Variants in CCNY observed in about 807,000 individuals in gnomAD.
CCNY encodes cyclin Y.
A neutral mutation model predicts 42.8 loss-of-function variants in CCNY; 19 were observed. The observed-to-expected ratio is 0.44, with a 90% CI of 0.31 to 0.65. The LOEUF (loss-of-function observed/expected upper bound fraction) is 0.65. CCNY is among the 30% of genes least tolerant of loss of function. The probability of loss-of-function intolerance (pLI) is 0.07; values close to 1 mark genes in which losing one functional copy is unlikely to be tolerated. For missense variants in CCNY, 370 were observed against 437.3 expected (o/e 0.85, Z 1.37); for synonymous variants, 165 against 162.7 (o/e 1.01, Z -0.11).
intron 8 of CCNY, among the ~76,000 whole-genome samples, chr10:35,554,663 A>G (rs963620702): frequency 1.4e-4 from 21 of 152,162 alleles, no homozygotes; most frequent in African/African-American, 5.1e-4. Context: ...ATGACCAGTG[A>G]CTTGGTTTAG....
At chr10:35,393,590 G>A (rs1399276876) in intron 1 of CCNY, among the ~76,000 whole-genome samples, 2 of 152,172 alleles carry the variant, frequency 1.3e-5, no homozygotes, top group Non-Finnish European at 2.9e-5. Context: ...CCTCCCTTGT[G>A]TTTTTCCTTA....
rs565383310 is a variant in CCNY, at chr10:35,249,789, C to T, written c.-113-733C>T. Among the ~76,000 whole-genome samples, 77 of 152,154 alleles carry T rather than the reference C, an allele frequency of 5.1e-4. 1 individual carries two copies. Among genetic ancestry groups the T allele is most frequent in the Non-Finnish European group, 1.0e-3 (70 of 68,030 alleles). On this transcript the variant is annotated intron_variant, in intron 2 of 11. Coordinates refer to the CCNY transcript ENST00000374706. ...GTGAGACGGAGTGCAGTGTCTCACA[C>T]CTGTAATCCCAGCACTTTGGGAGAC... is the stretch of plus-strand genomic sequence containing the variant.
At chr10:35,428,204 A>G (rs1838311227) in intron 1 of CCNY, among the ~76,000 whole-genome samples, 1 of 152,212 alleles carries the variant, frequency 6.6e-6, no homozygotes, top group Non-Finnish European at 1.5e-5. Context: ...AGAGATGGGC[A>G]TTCACAACCG....
At chr10:35,252,760 T>C (rs7070778) in intron 3 of CCNY, among the ~76,000 whole-genome samples, 55,369 of 151,758 alleles carry the variant, frequency 0.36, 10,514 homozygotes, top group African/African-American at 0.47. Flanking sequence ...TGGTTCCAAC[T>C]GCATTGTTGT....
At chr10:35,415,414 G>A (rs1838002390) in intron 1 of CCNY, among the ~76,000 whole-genome samples, 1 of 152,130 alleles carries the variant, frequency 6.6e-6, no homozygotes, top group Non-Finnish European at 1.5e-5. Flanking sequence ...AGGGGAGCTG[G>A]TGCCTAATCC....
In CCNY at chr10:35,514,690, A is replaced by C. The variant is rs144909997; in HGVS notation, c.265-1833A>C. Among the ~76,000 whole-genome samples, 1,264 of 152,340 alleles carry C rather than the reference A, an allele frequency of 8.3e-3. 10 individuals are homozygous for C. The highest frequency in any genetic ancestry group is 0.023 in the African/African-American group (971 of 41,566). On this transcript the variant is annotated intron_variant, in intron 3 of 9. Coordinates refer to ENST00000374704, the MANE Select transcript of CCNY (RefSeq NM_145012.6). The stretch of plus-strand genomic sequence containing the variant: ...ACATTTTAATCTGGAAGGAGTTTGC[A>C]TCAGAGGAAACAATTGAAACCCACA...
rs763670614 is a variant in CCNY at position 35,264,574 on chromosome 10, GA to G, written c.-9+13949del. Among the ~76,000 whole-genome samples, 3 of 152,066 alleles carry G rather than the reference GA, an allele frequency of 2.0e-5. No individual in the cohort carries two copies. In the East Asian group the frequency reaches 5.8e-4, roughly 29 times the overall value. On this transcript the variant is annotated intron_variant, in intron 3 of 11. Coordinates refer to the CCNY transcript ENST00000374706. ...CATTTCTCTAATGATCAGTATTGTT[GA>G]TTTTTTTTTCATATGTTTGTTGGCC... is the stretch of plus-strand genomic sequence containing the variant.
At chr10:35,291,541 T>C (rs1044727912) in intron 3 of CCNY, among the ~76,000 whole-genome samples, 11 of 147,776 alleles carry the variant, frequency 7.4e-5, no homozygotes, top group Non-Finnish European at 1.3e-4. Flanking sequence ...TTTTTTTTTT[T>C]TTTTTTTTGA....
chr10:35,474,143 C>A (rs547115448), intron 1 of CCNY, among the ~76,000 whole-genome samples: 1 of 152,180 alleles, frequency 6.6e-6, no homozygotes, highest in Non-Finnish European at 1.5e-5. Context: ...CTTGGAGGGT[C>A]CTACCCCACG....
At chr10:35,308,132 T>C (rs1337561233) in intron 3 of CCNY, among the ~76,000 whole-genome samples, 5 of 149,422 alleles carry the variant, frequency 3.3e-5, no homozygotes, top group Non-Finnish European at 7.4e-5. Flanking sequence ...AGTAATAATT[T>C]TATGGATAAA....
chr10:35,454,622 G>A (rs1238958835), intron 1 of CCNY, among the ~76,000 whole-genome samples: 3 of 152,238 alleles, frequency 2.0e-5, no homozygotes, highest in Non-Finnish European at 2.9e-5. Flanking sequence ...GTGAACCTCA[G>A]CGGCTTCGCC....
intron 3 of CCNY, among the ~76,000 whole-genome samples, chr10:35,322,728 C>A (rs113764127): frequency 3.9e-5 from 6 of 152,204 alleles, no homozygotes; most frequent in African/African-American, 1.4e-4. Context: ...AACATGCACA[C>A]AAAAATATGT....
At chr10:35,326,728 A>G (rs921287524) in intron 3 of CCNY, among the ~76,000 whole-genome samples, 1 of 152,142 alleles carries the variant, frequency 6.6e-6, no homozygotes, top group Admixed American at 6.5e-5. Flanking sequence ...TCAAAAAAAG[A>G]AAAATTAAAA....
intron 1 of CCNY, among the ~76,000 whole-genome samples, chr10:35,365,335 A>G (rs1417998226): frequency 7.2e-5 from 11 of 152,178 alleles, no homozygotes; most frequent in Non-Finnish European, 1.3e-4. Context: ...TGTGTCTTTA[A>G]AAAAGTGGTT....
Position 35,336,784 on chromosome 10 carries a change from C to G in CCNY, c.-270C>G, listed in dbSNP as rs1319126907. ...CGCGGCGGCCGCAGTCGCGCGGACC[C>G]GAGCGCTCCTCCGCCGCGGATAGGC... On this transcript the variant is annotated 5_prime_UTR_variant, in exon 1 of 10. Transcript: ENST00000374704. 6.8e-6 allele frequency: 1 copy of G among 147,078 alleles called. No homozygotes were observed. Among genetic ancestry groups the G allele is most frequent in the Admixed American group, 6.8e-5 (1 of 14,760 alleles). The allele number at this position is 147,078 out of a possible 1,614,324, so 9.1% of individuals were successfully genotyped here.
chr10:35,262,681 C>T (rs1589005184), intron 3 of CCNY, among the ~76,000 whole-genome samples: 1 of 152,102 alleles, frequency 6.6e-6, no homozygotes, highest in South Asian at 2.1e-4. Context: ...CAATTATAAA[C>T]TAATTATATC....
chr10:35,406,804 G>A (rs574153304), intron 1 of CCNY, among the ~76,000 whole-genome samples: 169 of 152,158 alleles, frequency 1.1e-3, no homozygotes, highest in African/African-American at 3.8e-3. Flanking sequence ...CAGTAGGGGC[G>A]GCCAGGCAGA....
chr10:35,364,352 G>C (rs1157031496), intron 1 of CCNY, among the ~76,000 whole-genome samples: 1 of 151,996 alleles, frequency 6.6e-6, no homozygotes, highest in Non-Finnish European at 1.5e-5. Context: ...AGGTAGCATT[G>C]GTCTACATTA....
Position 35,570,028 on chromosome 10 carries a change from G to A in CCNY, c.*858G>A, listed in dbSNP as rs2135471108. On this transcript the variant is annotated 3_prime_UTR_variant, in exon 10 of 10. Coordinates refer to ENST00000374704, the MANE Select transcript of CCNY (RefSeq NM_145012.6). The stretch of plus-strand genomic sequence containing the variant: ...GGCTGAAGGACACGGTGCAGCAGAG[G>A]GTGTCCCTGTGAGAGTTCTGCAGAG... 6.5e-6 allele frequency: 1 copy of A among 152,856 alleles called. No individual in the cohort carries two copies. The highest frequency in any genetic ancestry group is 1.5e-5 in the Non-Finnish European group (1 of 68,052). 9.5% of individuals were successfully genotyped at this position (152,856 alleles called of 1,614,324 possible). A position where few individuals can be genotyped will look rare whatever the true frequency, so the allele number is the denominator to read the frequency against.
Sources: gnomAD v4.1 joint callset for allele counts (sites outside exome capture counted in the v4.1 genomes callset) on GRCh38, gnomAD v4.1.1 for gene constraint, MANE v1.5 for transcripts, NCBI Gene and HGNC (gene_info 2026-07-23, HGNC 2026-07-21) for gene names.